Variants in PLCB1 observed in about 807,000 individuals in gnomAD.
PLCB1 encodes 1-phosphatidylinositol 4,5-bisphosphate phosphodiesterase beta-1.
In PLCB1, 46 loss-of-function variants were observed where a neutral mutation model predicts 161.8. That is an observed-to-expected ratio of 0.28 (90% confidence interval 0.22 to 0.36). The LOEUF (loss-of-function observed/expected upper bound fraction) is 0.36, where lower values mean the gene tolerates loss of function less well. Among genes scored for constraint, PLCB1 ranks in the 10% least tolerant of loss-of-function variants. PLCB1 has a pLI of 1.00. For synonymous variants in PLCB1, 517 were observed against 503.7 expected (o/e 1.03, Z -0.35); for missense variants, 1,016 against 1,472.5 (o/e 0.69, Z 5.07).
At chr20:8,766,543 G>T (rs959669739) in intron 26 of PLCB1, among the ~76,000 whole-genome samples, 2 of 152,192 alleles carry the variant, frequency 1.3e-5, no homozygotes, top group Non-Finnish European at 2.9e-5. Context: ...GAGTGAAACA[G>T]GATGAGATCA....
At chr20:8,669,070 C>A (rs1164879861) in intron 9 of PLCB1, among the ~76,000 whole-genome samples, 1 of 152,082 alleles carries the variant, frequency 6.6e-6, no homozygotes, top group Non-Finnish European at 1.5e-5. Context: ...TCTCAAGGAG[C>A]CTATAATTAC....
intron 31 of PLCB1, among the ~76,000 whole-genome samples, chr20:8,826,868 G>T (rs143105778): frequency 2.0e-5 from 3 of 152,178 alleles, no homozygotes; most frequent in Admixed American, 6.5e-5. Context: ...GATTTTATGC[G>T]TCTGTGTTTC....
At chr20:8,487,232 C>T (rs1982767426) in intron 3 of PLCB1, among the ~76,000 whole-genome samples, 1 of 152,134 alleles carries the variant, frequency 6.6e-6, no homozygotes, top group South Asian at 2.1e-4. Flanking sequence ...CATTTTTTTA[C>T]ACTTGAGTAA....
intron 31 of PLCB1, among the ~76,000 whole-genome samples, chr20:8,869,636 A>G (rs568459697): frequency 1.1e-4 from 17 of 152,350 alleles, no homozygotes; most frequent in Admixed American, 1.0e-3. Context: ...GGGAAATGCA[A>G]CAATAATACC....
At chr20:8,829,360 C>G (rs550876089) in intron 31 of PLCB1, among the ~76,000 whole-genome samples, 5 of 152,186 alleles carry the variant, frequency 3.3e-5, no homozygotes, top group Non-Finnish European at 4.4e-5. Context: ...TGCCCGCTGA[C>G]CTCCCTGCAA....
chr20:8,697,805 A>G, intron 11 of PLCB1, 22 bp downstream of exon 11: 1 of 1,610,212 alleles, frequency 6.2e-7, no homozygotes, highest in Non-Finnish European at 8.5e-7. Flanking sequence ...GAATGTTACT[A>G]AGAGAGGCAG....
At position 8,882,400 on chromosome 20, in the gene PLCB1, G is replaced by C. The variant is rs1988028624; in HGVS notation, c.*551G>C. ...GCAGTTTGCTAATTTATTTATCATA[G>C]AGTCATCAATGTATTTGTTGCTGAC... On this transcript the variant is annotated 3_prime_UTR_variant, in exon 32 of 32. Transcript: ENST00000338037. 1 of 158,982 alleles carries C rather than the reference G, an allele frequency of 6.3e-6. No individual in the cohort carries two copies. Among genetic ancestry groups the C allele is most frequent in the African/African-American group, 2.4e-5 (1 of 41,394 alleles). 9.8% of individuals were successfully genotyped at this position (158,982 alleles called of 1,614,324 possible).
chr20:8,174,917 A>T (rs1180375513), intron 2 of PLCB1, among the ~76,000 whole-genome samples: 1 of 151,346 alleles, frequency 6.6e-6, no homozygotes, highest in Non-Finnish European at 1.5e-5. Context: ...TAAAATAAAT[A>T]AAAAAGATGG....
At chr20:8,676,434 G>GAAAGAA (rs1555782393) in intron 9 of PLCB1, among the ~76,000 whole-genome samples, 7 of 151,462 alleles carry the variant, frequency 4.6e-5, no homozygotes, top group African/African-American at 1.5e-4. Context: ...AAGAAAGAAA[G>GAAAGAA]AGAGAAAGAG....
chr20:8,644,525 C>T (rs1363154393), intron 4 of PLCB1, among the ~76,000 whole-genome samples: 1 of 151,004 alleles, frequency 6.6e-6, no homozygotes, highest in Non-Finnish European at 1.5e-5. Flanking sequence ...TGCCCGGCCG[C>T]CCCGTCTGAG....
At chr20:8,390,198 C>A (rs905113694) in intron 3 of PLCB1, among the ~76,000 whole-genome samples, 1 of 152,154 alleles carries the variant, frequency 6.6e-6, no homozygotes, top group East Asian at 1.9e-4. Context: ...ATTCTGGGAG[C>A]GGGAAGTCTG....
At chr20:8,871,506 A>T (rs2146325326) in intron 31 of PLCB1, among the ~76,000 whole-genome samples, 1 of 152,328 alleles carries the variant, frequency 6.6e-6, no homozygotes, top group African/African-American at 2.4e-5. Context: ...TTCAGCATCC[A>T]CAGTCCATCT....
chr20:8,881,842 C>T lies in PLCB1; in HGVS notation c.3644C>T (p.Pro1215Leu). 6.2e-7 allele frequency: 1 copy of T among 1,606,852 alleles called. No individual in the cohort carries two copies. The highest frequency in any genetic ancestry group is 1.1e-5 in the South Asian group (1 of 90,918). The change falls in exon 32 of 32, where the codon CCT becomes CTT. Residue 1215 changes from proline to leucine, a missense_variant. Coordinates refer to ENST00000338037, the MANE Select transcript of PLCB1 (RefSeq NM_015192.4). ...GDIPGKEFDT[P>L]L ...ATCCCAGGAAAAGAATTTGATACTCCTCTGTGAATGCTCCTGCCAGGCCTT... is the reference window on the plus strand; with the variant it reads ...ATCCCAGGAAAAGAATTTGATACTCTTCTGTGAATGCTCCTGCCAGGCCTT...
intron 11 of PLCB1, among the ~76,000 whole-genome samples, chr20:8,701,546 T>C (rs1010690623): frequency 2.6e-5 from 4 of 152,178 alleles, no homozygotes; most frequent in Non-Finnish European, 5.9e-5. Flanking sequence ...TAATGTATTT[T>C]CCTAAGGCAC....
intron 3 of PLCB1, among the ~76,000 whole-genome samples, chr20:8,529,261 C>T (rs1469949909): frequency 6.6e-6 from 1 of 151,956 alleles, no homozygotes; most frequent in Non-Finnish European, 1.5e-5. Flanking sequence ...AAAAATACCC[C>T]TCTGTGTTCT....
chr20:8,733,935 C>T (rs1980430679), intron 19 of PLCB1, among the ~76,000 whole-genome samples: 2 of 147,138 alleles, frequency 1.4e-5, no homozygotes, highest in Non-Finnish European at 3.0e-5. Context: ...TCCTGGCTAA[C>T]ACGGTGAAAC....
intron 2 of PLCB1, among the ~76,000 whole-genome samples, chr20:8,219,602 T>C (rs6108124): frequency 0.012 from 1,854 of 152,254 alleles, 43 homozygotes; most frequent in African/African-American, 0.042. Flanking sequence ...TCTCTTTAAA[T>C]CTTTGTAAAC....
At chr20:8,211,374 G>A (rs924619620) in intron 2 of PLCB1, among the ~76,000 whole-genome samples, 5 of 151,982 alleles carry the variant, frequency 3.3e-5, no homozygotes, top group Non-Finnish European at 7.4e-5. Context: ...AACTCTCCAC[G>A]CCCATGTTTC....
chr20:8,280,576 A>G (rs1346041246), intron 2 of PLCB1, among the ~76,000 whole-genome samples: 2 of 152,206 alleles, frequency 1.3e-5, no homozygotes, highest in African/African-American at 2.4e-5. Context: ...TTTAAACAAT[A>G]TAGCCTTCCA....
Sources: gnomAD v4.1 joint callset for allele counts (sites outside exome capture counted in the v4.1 genomes callset) on GRCh38, gnomAD v4.1.1 for gene constraint, MANE v1.5 for transcripts, NCBI Gene and HGNC (gene_info 2026-07-23, HGNC 2026-07-21) for gene names.